The following PRKCI variants were observed in gnomAD, a reference collection of about 807,000 sequenced individuals.
The protein encoded by PRKCI is protein kinase C iota type.
In PRKCI, 43 loss-of-function variants were observed where a neutral mutation model predicts 84.0. That is an observed-to-expected ratio of 0.51 (90% CI 0.40 to 0.66). The LOEUF (loss-of-function observed/expected upper bound fraction) is 0.66. PRKCI is among the 30% of genes least tolerant of loss of function. The pLI is 0.00. For synonymous variants in PRKCI, 216 were observed against 234.4 expected (o/e 0.92, Z 0.72); for missense variants, 459 against 745.6 (o/e 0.62, Z 4.48).
At chr3:170,293,817 A>G (rs1025142391) in intron 14 of PRKCI, among the ~76,000 whole-genome samples, 1 of 152,016 alleles carries the variant, frequency 6.6e-6, no homozygotes. Context: ...AGTAACTGGG[A>G]TTACAGGCAC....
At chr3:170,269,789 CT>C (rs1286544872) in intron 5 of PRKCI, among the ~76,000 whole-genome samples, 17 of 152,068 alleles carry the variant, frequency 1.1e-4, no homozygotes, top group African/African-American at 3.9e-4. Context: ...GAAACCCCAT[CT>C]CTACTAAAAA....
chr3:170,269,684 C>T (rs949289520), intron 5 of PRKCI, among the ~76,000 whole-genome samples: 1 of 151,940 alleles, frequency 6.6e-6, no homozygotes, highest in Non-Finnish European at 1.5e-5. Flanking sequence ...AGACCAAGTG[C>T]GGTGGCTCAC....
At chr3:170,229,036 T>C (rs541913937) in intron 1 of PRKCI, among the ~76,000 whole-genome samples, 95 of 152,282 alleles carry the variant, frequency 6.2e-4, no homozygotes, top group African/African-American at 2.3e-3. Context: ...TCCATGCTGG[T>C]GTAGAAGACG....
intron 12 of PRKCI, among the ~76,000 whole-genome samples, chr3:170,286,520 C>T (rs1157275669): frequency 3.6e-4 from 37 of 104,214 alleles, no homozygotes; most frequent in Non-Finnish European, 5.3e-5. Flanking sequence ...CTGTGAGATA[C>T]GGGTTTTAAA....
intron 4 of PRKCI, among the ~76,000 whole-genome samples, chr3:170,267,400 G>GC (rs1212765581): frequency 6.6e-6 from 1 of 151,922 alleles, no homozygotes; most frequent in East Asian, 1.9e-4. Flanking sequence ...TAGGCCGGGC[G>GC]CGTTGGCTCA....
chr3:170,282,964 G>A (rs575948376), intron 11 of PRKCI, among the ~76,000 whole-genome samples: 2 of 151,376 alleles, frequency 1.3e-5, no homozygotes, highest in Non-Finnish European at 2.9e-5. Flanking sequence ...AATTAGCCGG[G>A]CGTGGTGGCG....
chr3:170,288,492 T>C (rs1734458405), intron 12 of PRKCI, among the ~76,000 whole-genome samples: 1 of 152,176 alleles, frequency 6.6e-6, no homozygotes, highest in African/African-American at 2.4e-5. Context: ...CTCACGCCTA[T>C]AATTCCAGCA....
chr3:170,236,596 CT>C (rs1732981764), intron 2 of PRKCI, among the ~76,000 whole-genome samples: 1 of 152,152 alleles, frequency 6.6e-6, no homozygotes, highest in Admixed American at 6.5e-5. Flanking sequence ...TATATGTAGG[CT>C]TACGCCTGTA....
intron 1 of PRKCI, among the ~76,000 whole-genome samples, chr3:170,231,196 GGTGATCCATCT>G: frequency 6.6e-6 from 1 of 151,806 alleles, no homozygotes; most frequent in African/African-American, 2.4e-5. Flanking sequence ...CCTTACCTCA[GGTGATCCATCT>G]GCCTCGGCCT....
intron 2 of PRKCI, among the ~76,000 whole-genome samples, chr3:170,247,806 A>G (rs1378982356): frequency 1.3e-5 from 2 of 150,856 alleles, no homozygotes; most frequent in East Asian, 1.9e-4. Context: ...TTCTGTAACC[A>G]CTGACTTCCA....
chr3:170,266,215 A>G (rs1421042288), intron 4 of PRKCI, among the ~76,000 whole-genome samples: 2 of 152,198 alleles, frequency 1.3e-5, no homozygotes, highest in African/African-American at 4.8e-5. Flanking sequence ...TATTTGAGAA[A>G]CATATTAATA....
chr3:170,241,981 T>C (rs1733144332), intron 2 of PRKCI, among the ~76,000 whole-genome samples: 1 of 152,162 alleles, frequency 6.6e-6, no homozygotes, highest in Non-Finnish European at 1.5e-5. Context: ...TGGTAGTGCA[T>C]GCCTGTAATC....
chr3:170,294,713 A>G (rs1227739706), intron 14 of PRKCI, among the ~76,000 whole-genome samples: 2 of 152,200 alleles, frequency 1.3e-5, no homozygotes, highest in African/African-American at 2.4e-5. Context: ...TTTTATTCCT[A>G]TTTTACAGAT....
chr3:170,258,999 C>G (rs1214863661), intron 2 of PRKCI, among the ~76,000 whole-genome samples: 3 of 152,120 alleles, frequency 2.0e-5, no homozygotes, highest in Admixed American at 2.0e-4. Context: ...TGGTCAGTAG[C>G]CAGGCATGGT....
intron 14 of PRKCI, 33 bp downstream of exon 14, chr3:170,293,541 G>GA: frequency 6.3e-7 from 1 of 1,599,718 alleles, no homozygotes; most frequent in Non-Finnish European, 8.5e-7. Flanking sequence ...GATTCTCTGA[G>GA]AAAAACCTAT....
At position 170,299,583 on chromosome 3, in the gene PRKCI, A is replaced by G. The variant is rs980344644; in HGVS notation, c.1703+473A>G. On this transcript the variant is annotated intron_variant, in intron 17 of 17. Transcript: ENST00000295797. ...TGGTATTTGTATCTACTGTACCATT[A>G]TAAGTTTTAATAGTAACTGTCATTT... is the stretch of plus-strand genomic sequence containing the variant. Among the ~76,000 whole-genome samples, 3 of 152,372 alleles carry G rather than the reference A, an allele frequency of 2.0e-5. No individual in the cohort carries two copies. The South Asian group carries it at 6.2e-4, about 32-fold the overall frequency.
At chr3:170,259,862 T>C in intron 2 of PRKCI, 107 bp from the exon 3 acceptor site, 1 of 522,214 alleles carries the variant, frequency 1.9e-6, no homozygotes, top group Non-Finnish European at 3.3e-6. Context: ...TATTTGTTTA[T>C]AAATATGAGA....
intron 15 of PRKCI, 138 bp from the exon 16 acceptor site, chr3:170,297,166 C>T (rs1332151845): frequency 3.0e-6 from 2 of 662,806 alleles, no homozygotes; most frequent in South Asian, 2.1e-5. Flanking sequence ...TGGAGTTGTA[C>T]TTTCTAGAAA....
chr3:170,227,959 A>G, intron 1 of PRKCI, among the ~76,000 whole-genome samples: 1 of 152,214 alleles, frequency 6.6e-6, no homozygotes, highest in South Asian at 2.1e-4. Context: ...TAGTATCAGT[A>G]GAATTAAAGA....
Sources: allele counts gnomAD v4.1 joint callset (sites outside exome capture counted in the v4.1 genomes callset), GRCh38; gene constraint gnomAD v4.1.1; transcripts MANE v1.5; gene names NCBI Gene and HGNC (gene_info 2026-07-23, HGNC 2026-07-21).